Variants in WWC1 observed in about 807,000 individuals in gnomAD.
WWC1 encodes the protein WW and C2 domain containing 1.
A neutral mutation model predicts 138.4 loss-of-function variants in WWC1; 55 were observed. The observed-to-expected ratio is 0.40, with a 90% confidence interval of 0.32 to 0.50. The LOEUF is 0.50. WWC1 is among the 20% of genes least tolerant of loss of function. The pLI is 0.72. For missense variants in WWC1, 1,226 were observed against 1,420.4 expected, an observed-to-expected ratio of 0.86 and a Z score of 2.20; for synonymous variants, 524 against 564.9, an observed-to-expected ratio of 0.93 and a Z score of 1.03.
intron 2 of WWC1, among the ~76,000 whole-genome samples, chr5:168,383,878 A>G (rs1370274830): frequency 6.6e-6 from 1 of 152,146 alleles, no homozygotes; most frequent in East Asian, 1.9e-4. Flanking sequence ...AACCTCTTCC[A>G]TATCTCGTCA....
intron 4 of WWC1, among the ~76,000 whole-genome samples, chr5:168,399,076 G>C (rs1779123245): frequency 6.6e-6 from 1 of 152,172 alleles, no homozygotes. Flanking sequence ...CATAGCCTTT[G>C]CCAGCTTTAA....
chr5:168,306,199 C>T (rs1321805795), intron 1 of WWC1, among the ~76,000 whole-genome samples: 2 of 152,084 alleles, frequency 1.3e-5, no homozygotes. Flanking sequence ...GAGTTCGAGA[C>T]CAGCCTGGCC....
At chr5:168,447,870 C>CCT (rs1307561362) in intron 17 of WWC1, among the ~76,000 whole-genome samples, 1 of 151,342 alleles carries the variant, frequency 6.6e-6, no homozygotes, top group East Asian at 1.9e-4. Context: ...TGTTTCTCTG[C>CCT]CTCTCTCTCT....
chr5:168,467,347 A>G (rs1302937915), intron 21 of WWC1, among the ~76,000 whole-genome samples: 1 of 152,236 alleles, frequency 6.6e-6, no homozygotes, highest in Non-Finnish European at 1.5e-5. Flanking sequence ...TGGATATTTT[A>G]GGGCTGTCTG....
intron 9 of WWC1, among the ~76,000 whole-genome samples, chr5:168,421,662 C>T (rs1442345153): frequency 6.6e-6 from 1 of 152,176 alleles, no homozygotes; most frequent in African/African-American, 2.4e-5. Context: ...AATCCTAATT[C>T]TGCCACTAAT....
chr5:168,440,858 A>G (rs528652713), intron 15 of WWC1, among the ~76,000 whole-genome samples: 1 of 152,204 alleles, frequency 6.6e-6, no homozygotes, highest in Non-Finnish European at 1.5e-5. Flanking sequence ...ACTCATGTTC[A>G]TGGCAACACT....
At chr5:168,379,263 C>T (rs1157031556) in intron 2 of WWC1, among the ~76,000 whole-genome samples, 3 of 152,100 alleles carry the variant, frequency 2.0e-5, no homozygotes, top group African/African-American at 7.2e-5. Context: ...AAGATGATCT[C>T]AAAGGGCCTG....
intron 1 of WWC1, among the ~76,000 whole-genome samples, chr5:168,351,029 C>G (rs917536392): frequency 6.6e-6 from 1 of 151,924 alleles, no homozygotes; most frequent in African/African-American, 2.4e-5. Flanking sequence ...TGCCTGTAAT[C>G]TCAGCTACTT....
intron 1 of WWC1, among the ~76,000 whole-genome samples, chr5:168,334,759 C>T (rs778090516): frequency 1.3e-5 from 2 of 152,252 alleles, no homozygotes; most frequent in Admixed American, 6.5e-5. Context: ...AATGACTCTC[C>T]TGCTAAGCAG....
At chr5:168,448,616 A>ATTT (rs756135846) in intron 17 of WWC1, among the ~76,000 whole-genome samples, 9,713 of 117,394 alleles carry the variant, frequency 0.083, 1,069 homozygotes, top group East Asian at 0.24. Context: ...CTCAAATAAG[A>ATTT]TTTTTTTTTT....
At chr5:168,398,126 CAG>C (rs1171895663) in intron 4 of WWC1, among the ~76,000 whole-genome samples, 13 of 151,648 alleles carry the variant, frequency 8.6e-5, no homozygotes, top group African/African-American at 3.2e-4. Flanking sequence ...TTTTTTGAGA[CAG>C]AGTCTCGCTC....
At chr5:168,300,848 A>C (rs1770003572) in intron 1 of WWC1, among the ~76,000 whole-genome samples, 1 of 152,120 alleles carries the variant, frequency 6.6e-6, no homozygotes, top group Admixed American at 6.5e-5. Flanking sequence ...ACAGACTTGG[A>C]AGGATAAAAT....
intron 3 of WWC1, among the ~76,000 whole-genome samples, chr5:168,393,479 T>G (rs1214912674): frequency 6.6e-6 from 1 of 152,202 alleles, no homozygotes; most frequent in African/African-American, 2.4e-5. Context: ...CTCAGGGATT[T>G]AAGGAAAATT....
intron 1 of WWC1, among the ~76,000 whole-genome samples, chr5:168,362,613 T>C (rs998898137): frequency 2.6e-5 from 4 of 152,240 alleles, no homozygotes; most frequent in African/African-American, 9.6e-5. Context: ...AGGTTGTCCG[T>C]TGGCTTTACC....
chr5:168,403,012 TTC>T (rs1487889915), intron 5 of WWC1, among the ~76,000 whole-genome samples: 1 of 64,694 alleles, frequency 1.5e-5, no homozygotes, highest in Admixed American at 1.4e-4. Context: ...TTCTTTTTCT[TTC>T]TTTCTTTCTT....
At chr5:168,430,271 G>A (rs1316848921) in intron 14 of WWC1, 48 bp downstream of exon 14, 2 of 1,540,270 alleles carry the variant, frequency 1.3e-6, no homozygotes, top group South Asian at 2.3e-5. Flanking sequence ...ACCCTCTGGA[G>A]TTACCCCTGG....
chr5:168,388,853 A>G (rs1264373716), intron 3 of WWC1, among the ~76,000 whole-genome samples: 1 of 151,870 alleles, frequency 6.6e-6, no homozygotes, highest in Admixed American at 6.6e-5. Context: ...AAAAACAAAA[A>G]CAAATAAATA....
In WWC1 at chr5:168,414,356, A is replaced by T; in HGVS notation, c.950A>T (p.Asn317Ile). 1 of 1,612,260 alleles carries T rather than the reference A, an allele frequency of 6.2e-7. No homozygotes were observed. The highest frequency in any genetic ancestry group is 8.5e-7 in the Non-Finnish European group (1 of 1,179,388). The change falls in exon 9 of 23, where the codon AAC becomes ATC. Residue 317 changes from asparagine to isoleucine, a missense_variant. This residue lies in a region of WWC1 where 1,016 missense variants were observed against 1,153.9 expected (regional missense o/e 0.88). Coordinates refer to ENST00000265293, the MANE Select transcript of WWC1 (RefSeq NM_015238.3). ...RYEEAKRRIA[N>I]LKIQLAKLDS... ...GCTTTCTTGGCCCCCAGGATCGCCA[A>T]CCTGAAGATCCAGCTGGCCAAGCTT...
chr5:168,405,417 A>C (rs1779702767), intron 5 of WWC1, among the ~76,000 whole-genome samples: 1 of 152,186 alleles, frequency 6.6e-6, no homozygotes, highest in Non-Finnish European at 1.5e-5. Flanking sequence ...CCCTCCCTCC[A>C]AAAAAGAATG....
Sources: allele counts gnomAD v4.1 joint callset (sites outside exome capture counted in the v4.1 genomes callset), GRCh38; gene constraint gnomAD v4.1.1; regional missense constraint gnomAD v4.1.1; transcripts MANE v1.5; gene names NCBI Gene and HGNC (gene_info 2026-07-23, HGNC 2026-07-21).